Variants in LSAMP observed in about 807,000 individuals in gnomAD.
The protein encoded by LSAMP is limbic system associated membrane protein.
In LSAMP, 7 loss-of-function variants were observed where a neutral mutation model predicts 38.6. That is an observed-to-expected ratio of 0.18 (90% CI 0.10 to 0.34). The LOEUF (loss-of-function observed/expected upper bound fraction) is 0.34. Ranked by LOEUF, LSAMP falls within the 10% of genes least tolerant of loss-of-function variation. The pLI, the probability that LSAMP is intolerant of heterozygous loss-of-function variation, is 1.00. For missense variants in LSAMP, 313 were observed against 420.0 expected (o/e 0.75, Z 2.23); for synonymous variants, 154 against 166.8 (o/e 0.92, Z 0.59).
chr3:115,999,678 G>C (rs6789600), intron 3 of LSAMP, among the ~76,000 whole-genome samples: 67,891 of 152,048 alleles, frequency 0.45, 16,659 homozygotes, highest in African/African-American at 0.67. Flanking sequence ...CCACTTCTGC[G>C]AAGGGTTTTT....
At chr3:116,164,348 C>T (rs77389103) in intron 1 of LSAMP, among the ~76,000 whole-genome samples, 10,038 of 151,484 alleles carry the variant, frequency 0.066, 376 homozygotes, top group Middle Eastern at 0.16. Flanking sequence ...TCATTCCTGA[C>T]TCCATCATGT....
chr3:115,886,029 T>C (rs1413044921), intron 3 of LSAMP, among the ~76,000 whole-genome samples: 1 of 151,944 alleles, frequency 6.6e-6, no homozygotes, highest in Non-Finnish European at 1.5e-5. Context: ...GAGCACAGAT[T>C]CTCTCTGTGC....
chr3:116,258,404 T>C (rs754298999), intron 1 of LSAMP, among the ~76,000 whole-genome samples: 32 of 152,088 alleles, frequency 2.1e-4, no homozygotes, highest in Non-Finnish European at 4.0e-4. Flanking sequence ...TTAAATCAGT[T>C]AATAATTTCC....
intron 1 of LSAMP, among the ~76,000 whole-genome samples, chr3:116,366,524 T>C (rs2048356251): frequency 6.6e-6 from 1 of 152,082 alleles, no homozygotes; most frequent in Non-Finnish European, 1.5e-5. Context: ...TCACTCAGTG[T>C]CCTCCCCATA....
At chr3:116,231,148 C>T (rs1400330925) in intron 1 of LSAMP, among the ~76,000 whole-genome samples, 1 of 152,154 alleles carries the variant, frequency 6.6e-6, no homozygotes, top group African/African-American at 2.4e-5. Flanking sequence ...TAGTACCAGG[C>T]TGCTTGAAGT....
intron 3 of LSAMP, among the ~76,000 whole-genome samples, chr3:115,927,237 AAAG>A (rs1937513804): frequency 6.6e-6 from 1 of 152,194 alleles, no homozygotes. Context: ...CATGGTGAAA[AAAG>A]AAGATGAGGA....
chr3:116,403,908 A>G (rs373969468), intron 1 of LSAMP, among the ~76,000 whole-genome samples: 1 of 149,428 alleles, frequency 6.7e-6, no homozygotes, highest in African/African-American at 2.5e-5. Context: ...GTACTACTAC[A>G]CTACCATGGC....
intron 1 of LSAMP, among the ~76,000 whole-genome samples, chr3:116,247,599 A>G (rs2046620926): frequency 1.3e-5 from 2 of 152,198 alleles, no homozygotes; most frequent in African/African-American, 4.8e-5. Context: ...CATTTTAGAA[A>G]GAAAGAAGTT....
chr3:116,426,971 T>G (rs1301427168), intron 1 of LSAMP, among the ~76,000 whole-genome samples: 2 of 152,114 alleles, frequency 1.3e-5, no homozygotes, highest in African/African-American at 4.8e-5. Context: ...GCATACAACC[T>G]GAGACTGATT....
At chr3:116,371,696 G>A (rs980079231) in intron 1 of LSAMP, among the ~76,000 whole-genome samples, 1 of 152,014 alleles carries the variant, frequency 6.6e-6, no homozygotes, top group Non-Finnish European at 1.5e-5. Context: ...AATTAGGCAA[G>A]AGAAAGAAAT....
chr3:116,213,268 A>C (rs1203520438), intron 1 of LSAMP, among the ~76,000 whole-genome samples: 2 of 152,172 alleles, frequency 1.3e-5, no homozygotes, highest in Non-Finnish European at 2.9e-5. Flanking sequence ...ACATAGTGGG[A>C]GGTAACTGAA....
chr3:116,283,282 G>A (rs1354497872), intron 1 of LSAMP, among the ~76,000 whole-genome samples: 3 of 152,144 alleles, frequency 2.0e-5, no homozygotes, highest in African/African-American at 7.2e-5. Flanking sequence ...CTAGTTACGT[G>A]TTCATCGGTG....
At chr3:115,965,768 CTT>C (rs1040170571) in intron 3 of LSAMP, among the ~76,000 whole-genome samples, 6 of 151,418 alleles carry the variant, frequency 4.0e-5, no homozygotes, top group African/African-American at 7.3e-5. Context: ...AAAGATGAAA[CTT>C]TATTATTAAT....
intron 1 of LSAMP, among the ~76,000 whole-genome samples, chr3:116,421,550 A>AC (rs1034953413): frequency 2.7e-4 from 40 of 145,974 alleles, no homozygotes; most frequent in African/African-American, 9.1e-4. Context: ...GTCTAAAAAA[A>AC]AAAAAGAAGA....
At chr3:116,283,278 A>G (rs992375070) in intron 1 of LSAMP, among the ~76,000 whole-genome samples, 1 of 152,210 alleles carries the variant, frequency 6.6e-6, no homozygotes, top group Non-Finnish European at 1.5e-5. Flanking sequence ...GTACCTAGTT[A>G]CGTGTTCATC....
intron 2 of LSAMP, among the ~76,000 whole-genome samples, chr3:116,046,849 C>T (rs930836243): frequency 3.3e-5 from 5 of 152,178 alleles, no homozygotes; most frequent in African/African-American, 7.2e-5. Context: ...ATACCCCTTT[C>T]GCTTCTTTCT....
At chr3:115,954,232 G>A (rs1938383094) in intron 3 of LSAMP, among the ~76,000 whole-genome samples, 1 of 152,058 alleles carries the variant, frequency 6.6e-6, no homozygotes, top group African/African-American at 2.4e-5. Context: ...TGGCATATGG[G>A]CTTCTACGGA....
chr3:116,408,457 T>C (rs2048927235), intron 1 of LSAMP, among the ~76,000 whole-genome samples: 1 of 152,108 alleles, frequency 6.6e-6, no homozygotes, highest in African/African-American at 2.4e-5. Context: ...TTTTGGCATT[T>C]TATTTTAGAA....
At chr3:116,290,139 G>T (rs2107692370) in intron 1 of LSAMP, among the ~76,000 whole-genome samples, 1 of 152,068 alleles carries the variant, frequency 6.6e-6, no homozygotes, top group Non-Finnish European at 1.5e-5. Context: ...CCTTTGAGTG[G>T]GTATACAACT....
Sources: gnomAD v4.1 joint callset for allele counts (sites outside exome capture counted in the v4.1 genomes callset) on GRCh38, gnomAD v4.1.1 for gene constraint, MANE v1.5 for transcripts, NCBI Gene and HGNC (gene_info 2026-07-23, HGNC 2026-07-21) for gene names.